The following DPP10 variants were observed in gnomAD, a reference collection of about 807,000 sequenced individuals.
The protein encoded by DPP10 is inactive dipeptidyl peptidase 10.
A neutral mutation model predicts 120.9 loss-of-function variants in DPP10; 33 were observed. That is an observed-to-expected ratio of 0.27 (90% CI 0.21 to 0.37). The LOEUF is 0.37. Ranked by LOEUF, DPP10 falls within the 10% of genes least tolerant of loss-of-function variation. The pLI is 1.00. For synonymous variants in DPP10, 337 were observed against 326.1 expected, an observed-to-expected ratio of 1.03 and a Z score of -0.36; for missense variants, 816 against 942.8, an observed-to-expected ratio of 0.87 and a Z score of 1.76.
chr2:115,457,827 C>T (rs529413035), intron 3 of DPP10, among the ~76,000 whole-genome samples: 13 of 152,078 alleles, frequency 8.5e-5, no homozygotes, highest in Middle Eastern at 3.4e-3. Context: ...CAATGCAAAA[C>T]GAGACATACA....
intron 1 of DPP10, among the ~76,000 whole-genome samples, chr2:114,764,284 C>CTTTTTTTTTTTTTTT (rs201499611): frequency 1.6e-5 from 2 of 126,060 alleles, no homozygotes; most frequent in Non-Finnish European, 1.7e-5. Flanking sequence ...CTTAAATTGC[C>CTTTTTTTTTTTTTTT]TTTTTTTTTT....
intron 5 of DPP10, among the ~76,000 whole-genome samples, chr2:115,544,823 A>G (rs1313975305): frequency 2.0e-5 from 3 of 152,000 alleles, no homozygotes; most frequent in African/African-American, 7.2e-5. Context: ...ATTGATTTCA[A>G]ATGTAGGGTT....
chr2:114,557,039 T>C (rs937521925), intron 1 of DPP10, among the ~76,000 whole-genome samples: 2 of 146,990 alleles, frequency 1.4e-5, no homozygotes, highest in Non-Finnish European at 3.0e-5. Context: ...TGCTTAGAAG[T>C]AGAGAAAAGT....
chr2:115,378,799 A>G lies in DPP10; in HGVS notation c.271+34887A>G, dbSNP rs926613179. Among the ~76,000 whole-genome samples, 43 of 152,222 alleles carry G rather than the reference A, an allele frequency of 2.8e-4. 1 individual carries two copies. The highest frequency in any genetic ancestry group is 9.1e-4 in the African/African-American group (38 of 41,546). ...TTTGTCAAAGGCCTTTTCTGCATCT[A>G]TTGAGATAATCATGTGGTTTTTGTC... On this transcript the variant is annotated intron_variant, in intron 3 of 25. Coordinates refer to ENST00000410059, the MANE Select transcript of DPP10 (RefSeq NM_020868.6).
chr2:115,554,229 A>G (rs956409156), intron 5 of DPP10, among the ~76,000 whole-genome samples: 1 of 151,832 alleles, frequency 6.6e-6, no homozygotes, highest in Non-Finnish European at 1.5e-5. Context: ...CATGTGAAAA[A>G]ATGGGATGCA....
At chr2:114,983,647 A>G (rs11884707) in intron 1 of DPP10, among the ~76,000 whole-genome samples, 3,184 of 152,286 alleles carry the variant, frequency 0.021, 123 homozygotes, top group African/African-American at 0.073. Flanking sequence ...TGAATTTACT[A>G]TTGAGTAGCA....
chr2:115,372,538 A>C (rs939836152), intron 3 of DPP10, among the ~76,000 whole-genome samples: 1 of 152,150 alleles, frequency 6.6e-6, no homozygotes, highest in South Asian at 2.1e-4. Context: ...TAGATGAAAA[A>C]CGTAGCCAGT....
intron 5 of DPP10, among the ~76,000 whole-genome samples, chr2:115,686,936 G>A (rs1329035041): frequency 6.6e-6 from 1 of 151,908 alleles, no homozygotes; most frequent in Non-Finnish European, 1.5e-5. Context: ...AATCATTACA[G>A]GAAAAACTGT....
chr2:114,823,103 C>A (rs529950145), intron 1 of DPP10, among the ~76,000 whole-genome samples: 1 of 152,214 alleles, frequency 6.6e-6, no homozygotes, highest in Non-Finnish European at 1.5e-5. Flanking sequence ...TACTGTATTA[C>A]TTCTCACATT....
At chr2:115,831,276 T>G (rs1270359927) in intron 21 of DPP10, among the ~76,000 whole-genome samples, 1 of 151,882 alleles carries the variant, frequency 6.6e-6, no homozygotes, top group Non-Finnish European at 1.5e-5. Flanking sequence ...TGAGACGGAG[T>G]CTTACTCAGT....
At chr2:115,636,152 A>C (rs1244251099) in intron 5 of DPP10, among the ~76,000 whole-genome samples, 1 of 151,930 alleles carries the variant, frequency 6.6e-6, no homozygotes, top group Non-Finnish European at 1.5e-5. Context: ...TCGCAAAAAA[A>C]AAAAAACAAA....
chr2:114,604,897 G>A (rs1399424184), intron 1 of DPP10, among the ~76,000 whole-genome samples: 2 of 152,062 alleles, frequency 1.3e-5, no homozygotes, highest in Non-Finnish European at 2.9e-5. Flanking sequence ...TGATTGGGTA[G>A]TTGAGGCTCC....
At chr2:114,573,977 T>C (rs1211844016) in intron 1 of DPP10, among the ~76,000 whole-genome samples, 1 of 152,114 alleles carries the variant, frequency 6.6e-6, no homozygotes, top group East Asian at 1.9e-4. Context: ...CATTTGATCG[T>C]GGTGAAAGAG....
At chr2:115,035,124 C>T (rs935816469) in intron 1 of DPP10, among the ~76,000 whole-genome samples, 64 of 152,342 alleles carry the variant, frequency 4.2e-4, no homozygotes, top group African/African-American at 1.3e-3. Context: ...GACCATGCCC[C>T]GACATATTAT....
chr2:115,330,460 T>G (rs1304509262), intron 2 of DPP10, among the ~76,000 whole-genome samples: 6 of 151,944 alleles, frequency 3.9e-5, no homozygotes, highest in African/African-American at 1.4e-4. Context: ...TTGTCAATTG[T>G]GGCTTTTGTT....
At chr2:115,400,584 T>A (rs2068000231) in intron 3 of DPP10, among the ~76,000 whole-genome samples, 2 of 152,126 alleles carry the variant, frequency 1.3e-5, no homozygotes, top group Non-Finnish European at 2.9e-5. Flanking sequence ...CTTCCTGACT[T>A]ACGATAGGAT....
intron 1 of DPP10, among the ~76,000 whole-genome samples, chr2:114,594,838 A>G (rs1043258092): frequency 6.6e-6 from 1 of 151,546 alleles, no homozygotes; most frequent in African/African-American, 2.4e-5. Flanking sequence ...TTCTTTCTCC[A>G]TTTGCTCTCT....
At chr2:115,285,723 C>G (rs1208224373) in intron 1 of DPP10, among the ~76,000 whole-genome samples, 1 of 152,018 alleles carries the variant, frequency 6.6e-6, no homozygotes, top group African/African-American at 2.4e-5. Flanking sequence ...GTCTCAGATT[C>G]TTGTACCTAG....
In DPP10 at chr2:115,843,410, A is replaced by C. The variant is rs891228021; in HGVS notation, c.*1065A>C. 6.6e-6 allele frequency: 1 copy of C among 152,574 alleles called. No individual in the cohort carries two copies. The highest frequency in any genetic ancestry group is 2.4e-5 in the African/African-American group (1 of 41,450). 9.5% of individuals were successfully genotyped at this position (152,574 alleles called of 1,614,324 possible). The stretch of plus-strand genomic sequence containing the variant: ...CTTGGTCCTTTTACTTCTTTCTCTC[A>C]GTGCAGAATCAATTCTCATTTTCAT... On this transcript the variant is annotated 3_prime_UTR_variant, in exon 26 of 26. Coordinates refer to ENST00000410059, the MANE Select transcript of DPP10 (RefSeq NM_020868.6).
Sources: gnomAD v4.1 joint callset for allele counts (sites outside exome capture counted in the v4.1 genomes callset) on GRCh38, gnomAD v4.1.1 for gene constraint, MANE v1.5 for transcripts, NCBI Gene and HGNC (gene_info 2026-07-23, HGNC 2026-07-21) for gene names.